Variants in WSCD2 observed in about 807,000 individuals in gnomAD.
WSCD2 encodes the protein sialate:O-sulfotransferase 2.
In WSCD2, 28 loss-of-function variants were observed where a neutral mutation model predicts 55.7. That is an observed-to-expected ratio of 0.50 (90% CI 0.37 to 0.69). The LOEUF (loss-of-function observed/expected upper bound fraction) is 0.69, where lower values mean the gene tolerates loss of function less well. Among genes scored for constraint, WSCD2 ranks in the 30% least tolerant of loss-of-function variants. WSCD2 has a pLI of 0.00. For synonymous variants in WSCD2, 301 were observed against 301.9 expected (o/e 1.00, Z 0.03); for missense variants, 616 against 762.1 (o/e 0.81, Z 2.26).
intron 1 of WSCD2, among the ~76,000 whole-genome samples, chr12:108,158,827 T>A (rs566530018): frequency 2.0e-5 from 3 of 152,290 alleles, no homozygotes; most frequent in East Asian, 3.9e-4. Flanking sequence ...GCACCTCCTA[T>A]GTGCCAGGCA....
intron 1 of WSCD2, among the ~76,000 whole-genome samples, chr12:108,183,774 G>C (rs1007983147): frequency 2.0e-5 from 3 of 152,158 alleles, no homozygotes; most frequent in Admixed American, 6.5e-5. Context: ...ATGTCACATA[G>C]AGGTTAGGAT....
chr12:108,232,388 G>T (rs1240318789), intron 6 of WSCD2, among the ~76,000 whole-genome samples: 2 of 152,122 alleles, frequency 1.3e-5, no homozygotes, highest in Non-Finnish European at 2.9e-5. Context: ...GGGGTGAATG[G>T]GAAAGACTTG....
chr12:108,146,743 A>G (rs565698196), intron 1 of WSCD2, among the ~76,000 whole-genome samples: 40 of 152,292 alleles, frequency 2.6e-4, no homozygotes, highest in African/African-American at 8.9e-4. Context: ...GTGTTCTCCA[A>G]TGGCCTTGAC....
chr12:108,143,707 G>A (rs928752135), intron 1 of WSCD2, among the ~76,000 whole-genome samples: 4 of 152,188 alleles, frequency 2.6e-5, no homozygotes, highest in African/African-American at 9.7e-5. Flanking sequence ...AGGGCGATGG[G>A]AGGCACTCCA....
intron 1 of WSCD2, among the ~76,000 whole-genome samples, chr12:108,184,117 T>C (rs1175206139): frequency 6.6e-6 from 1 of 152,214 alleles, no homozygotes; most frequent in Admixed American, 6.5e-5. Flanking sequence ...CCCATATGTC[T>C]GTGAGGAAGC....
At chr12:108,177,768 A>C (rs1309881711) in intron 1 of WSCD2, among the ~76,000 whole-genome samples, 5 of 152,058 alleles carry the variant, frequency 3.3e-5, no homozygotes, top group Non-Finnish European at 7.4e-5. Context: ...AAATAATAAT[A>C]AGAGGCTCAA....
In WSCD2 at chr12:108,210,355, C is replaced by G; in HGVS notation, c.682+50C>G. On this transcript the variant is annotated intron_variant, in intron 4 of 8. Coordinates refer to ENST00000547525, the MANE Select transcript of WSCD2 (RefSeq NM_014653.4). This position sits in a 1 kb window ranked among gnomAD's most constrained non-coding sequence, Gnocchi z 4.3. ...TCTGCTGCTCCTCCCTCAGCTGCAG[C>G]CCTTGCCCACCAAAGAGTCCCACAT... is the stretch of plus-strand genomic sequence containing the variant. 6.6e-7 allele frequency: 1 copy of G among 1,515,914 alleles called. No individual in the cohort carries two copies. Among genetic ancestry groups the G allele is most frequent in the South Asian group, 1.3e-5 (1 of 78,770 alleles). The allele number at this position is 1,515,914 out of a possible 1,614,324, so 93.9% of individuals were successfully genotyped here. A position where few individuals can be genotyped will look rare whatever the true frequency, so the allele number is the denominator to read the frequency against.
At chr12:108,166,280 A>G (rs1344670877) in intron 1 of WSCD2, among the ~76,000 whole-genome samples, 1 of 152,218 alleles carries the variant, frequency 6.6e-6, no homozygotes, top group African/African-American at 2.4e-5. Flanking sequence ...GTGTGAATGA[A>G]GAACTCAGTA....
chr12:108,158,164 T>C (rs1878704994), intron 1 of WSCD2, among the ~76,000 whole-genome samples: 1 of 152,140 alleles, frequency 6.6e-6, no homozygotes. Context: ...GGGTCAATAA[T>C]TTATGCTAAT....
intron 7 of WSCD2, among the ~76,000 whole-genome samples, chr12:108,236,628 A>T (rs756936903): frequency 1.4e-5 from 2 of 144,658 alleles, no homozygotes; most frequent in Non-Finnish European, 3.0e-5. Flanking sequence ...CTGCATGTCT[A>T]CCTCTGCCCA....
chr12:108,226,850 G>A (rs1888148920), intron 5 of WSCD2, 140 bp from the exon 6 acceptor site: 4 of 975,642 alleles, frequency 4.1e-6, no homozygotes, highest in Non-Finnish European at 5.9e-6. Flanking sequence ...GTTTGTGGAT[G>A]GAATTTGGGG....
intron 7 of WSCD2, among the ~76,000 whole-genome samples, chr12:108,238,989 G>A (rs1022125147): frequency 6.6e-6 from 1 of 152,174 alleles, no homozygotes; most frequent in African/African-American, 2.4e-5. Context: ...TATATGTAAA[G>A]GGCTTAGACT....
intron 6 of WSCD2, among the ~76,000 whole-genome samples, chr12:108,227,699 G>A (rs1888263826): frequency 6.6e-6 from 1 of 151,986 alleles, no homozygotes; most frequent in Non-Finnish European, 1.5e-5. Context: ...TCTGTCTCCT[G>A]GGGCTACCAG....
intron 1 of WSCD2, among the ~76,000 whole-genome samples, chr12:108,137,824 G>A (rs11113761): frequency 1.2e-4 from 18 of 152,196 alleles, no homozygotes; most frequent in African/African-American, 2.7e-4. Context: ...AAAAATTCAC[G>A]TACGTGGAAC....
In WSCD2 at chr12:108,227,005, G is replaced by C; in HGVS notation, c.820G>C (p.Ala274Pro). The change falls in exon 6 of 9, where the codon GCT becomes CCT. Residue 274 changes from alanine to proline, a missense_variant. This residue lies in a region of WSCD2 where 374 missense variants were observed against 467.4 expected (regional missense o/e 0.80). Transcript: ENST00000547525. ...FCTEKEYPLA[A>P]LAGTACHCGF... ...CCATCCCCAGGAGTACCCGCTGGCAGCTCTTGCAGGCACCGCCTGCCACTG... is the reference window on the plus strand; with the variant it reads ...CCATCCCCAGGAGTACCCGCTGGCACCTCTTGCAGGCACCGCCTGCCACTG... 1 of 1,613,726 alleles carries C rather than the reference G, an allele frequency of 6.2e-7. No homozygotes were observed. Among genetic ancestry groups the C allele is most frequent in the Non-Finnish European group, 8.5e-7 (1 of 1,179,854 alleles).
At chr12:108,132,393 CAT>C (rs543390254) in intron 1 of WSCD2, among the ~76,000 whole-genome samples, 205 of 152,234 alleles carry the variant, frequency 1.3e-3, no homozygotes, top group African/African-American at 4.7e-3. Context: ...GGTGTGGGCT[CAT>C]GTGCTTGTGT....
At chr12:108,227,291 G>A (rs1460462907) in intron 6 of WSCD2, 127 bp downstream of exon 6, 3 of 1,136,270 alleles carry the variant, frequency 2.6e-6, no homozygotes, top group Admixed American at 5.7e-5. Context: ...AGAGGGCAGG[G>A]CTGATGAACT....
intron 1 of WSCD2, among the ~76,000 whole-genome samples, chr12:108,135,663 T>C (rs760849174): frequency 1.3e-5 from 2 of 152,208 alleles, no homozygotes; most frequent in Non-Finnish European, 2.9e-5. Flanking sequence ...TTCTTTAGGA[T>C]ACTGGACTTT....
chr12:108,231,097 A>G (rs975666091), intron 6 of WSCD2, among the ~76,000 whole-genome samples: 6 of 152,174 alleles, frequency 3.9e-5, no homozygotes, highest in Non-Finnish European at 7.3e-5. Flanking sequence ...GAGGGAATGG[A>G]GAACACATAC....
Sources: gnomAD v4.1 joint callset for allele counts (sites outside exome capture counted in the v4.1 genomes callset) on GRCh38, gnomAD v4.1.1 for gene constraint, gnomAD v4.1.1 regional missense constraint, Gnocchi (gnomAD v3.1) non-coding constraint, MANE v1.5 for transcripts, NCBI Gene and HGNC (gene_info 2026-07-23, HGNC 2026-07-21) for gene names.